ANXA13: variants seen among roughly 807,000 people sequenced by gnomAD.
ANXA13 encodes the protein annexin XIII.
ANXA13 carries 36 observed loss-of-function variants against 46.6 expected under a neutral mutation model. The ratio of observed to expected loss-of-function variants is 0.77; its 90% CI spans 0.59 to 1.02. ANXA13 has a LOEUF of 1.02. Among genes scored for constraint, ANXA13 ranks in the 50% least tolerant of loss-of-function variants. ANXA13 has a pLI of 0.00. For synonymous variants in ANXA13, 163 were observed against 152.9 expected (o/e 1.07, Z -0.49); for missense variants, 417 against 396.5 (o/e 1.05, Z -0.44).
At chr8:123,717,880 G>A (rs1267116686) in intron 1 of ANXA13, among the ~76,000 whole-genome samples, 4 of 152,264 alleles carry the variant, frequency 2.6e-5, no homozygotes, top group African/African-American at 7.2e-5. Context: ...CCACTCAGAT[G>A]CGCTCGTGCT....
chr8:123,693,711 A>C lies in ANXA13; in HGVS notation c.540T>G (p.Asp180Glu), dbSNP rs550213175. The C allele has an allele frequency of 6.2e-7, 1 of 1,613,144 alleles. No individual in the cohort carries two copies. The highest frequency in any genetic ancestry group is 8.5e-7 in the Non-Finnish European group (1 of 1,179,254). The part of the protein sequence containing the change: ...LAGQDAKDLY[D>E]AGEGRWGTDE... ...GAGACTGGCATGTCTGCACACATAC[A>C]TCATACAGATCTTTGGCATCCTGAC... is the stretch of plus-strand genomic sequence containing the variant. Residue 180 changes from aspartate to glutamate, a missense_variant and splice_region_variant, in exon 7 of 11, where the codon GAT becomes GAG. Coordinates refer to ENST00000419625, the MANE Select transcript of ANXA13 (RefSeq NM_004306.4).
At chr8:123,710,796 A>G (rs1418425464) in intron 2 of ANXA13, among the ~76,000 whole-genome samples, 3 of 151,852 alleles carry the variant, frequency 2.0e-5, no homozygotes, top group Non-Finnish European at 4.4e-5. Context: ...GGATTTTTGT[A>G]AGAACTTGAT....
In ANXA13 at chr8:123,712,721, C is replaced by A; in HGVS notation, c.48G>T (p.Val16=). ...TGTTCAGCTTTTTGGCATCTCGATC[C>A]ACATCAAAACCCTGAGGACTGCTCG... is the stretch of plus-strand genomic sequence containing the variant. The part of the protein sequence containing the change: ...AKASSPQGFD[V]DRDAKKLNKA... The change falls in exon 2 of 11, where the codon GTG becomes GTT. Residue 16 remains valine, a synonymous_variant. Coordinates refer to ENST00000419625, the MANE Select transcript of ANXA13 (RefSeq NM_004306.4). The A allele has an allele frequency of 6.2e-7, 1 of 1,614,206 alleles. No homozygotes were observed. The highest frequency in any genetic ancestry group is 8.5e-7 in the Non-Finnish European group (1 of 1,180,046).
intron 1 of ANXA13, among the ~76,000 whole-genome samples, chr8:123,718,396 G>A (rs545973980): frequency 7.4e-4 from 112 of 152,294 alleles, no homozygotes; most frequent in Middle Eastern, 3.4e-3. Context: ...GTCACACTGC[G>A]GAGTCCAGGT....
intron 1 of ANXA13, among the ~76,000 whole-genome samples, chr8:123,718,823 C>T (rs925408613): frequency 1.3e-5 from 2 of 152,200 alleles, no homozygotes; most frequent in East Asian, 1.9e-4. Flanking sequence ...AAAACACCTA[C>T]GTTGAGAAAT....
intron 1 of ANXA13, among the ~76,000 whole-genome samples, chr8:123,722,598 T>C (rs1323424615): frequency 6.6e-6 from 1 of 152,192 alleles, no homozygotes; most frequent in Non-Finnish European, 1.5e-5. Flanking sequence ...CATCTCCCAG[T>C]GAGCAAAGTG....
In ANXA13 at chr8:123,712,783, A is replaced by T. The variant is rs765745163; in HGVS notation, c.16-30T>A. On this transcript the variant is annotated intron_variant, in intron 1 of 10. Coordinates refer to ENST00000419625, the MANE Select transcript of ANXA13 (RefSeq NM_004306.4). ...AGAAAATAATTGAAAAGGTGAGATG[A>T]CAATATACGCATTCCTAAATGATCT... 5.0e-6 allele frequency: 8 copies of T among 1,593,736 alleles called. No homozygotes were observed. The South Asian group carries it at 8.8e-5, about 18-fold the overall frequency.
intron 10 of ANXA13, among the ~76,000 whole-genome samples, chr8:123,681,960 T>C (rs1487177288): frequency 6.6e-6 from 1 of 152,196 alleles, no homozygotes; most frequent in Non-Finnish European, 1.5e-5. Flanking sequence ...TTTTACATGT[T>C]ACAAAGTATT....
chr8:123,684,312 A>G (rs1813096024), intron 10 of ANXA13, among the ~76,000 whole-genome samples: 1 of 152,174 alleles, frequency 6.6e-6, no homozygotes, highest in South Asian at 2.1e-4. Flanking sequence ...CTTAACATGG[A>G]GCCATGCATA....
chr8:123,698,835 C>T (rs1813393041), intron 3 of ANXA13, among the ~76,000 whole-genome samples: 3 of 152,208 alleles, frequency 2.0e-5, no homozygotes, highest in Admixed American at 2.0e-4. Context: ...CATTTGAGAG[C>T]TCAGAGAGCT....
chr8:123,709,515 C>T (rs1586327570), intron 2 of ANXA13, among the ~76,000 whole-genome samples: 1 of 152,044 alleles, frequency 6.6e-6, no homozygotes, highest in African/African-American at 2.4e-5. Flanking sequence ...CGCATTGATG[C>T]CTGAGGTTGC....
At chr8:123,716,453 C>T (rs1483691260) in intron 1 of ANXA13, among the ~76,000 whole-genome samples, 1 of 152,158 alleles carries the variant, frequency 6.6e-6, no homozygotes, top group African/African-American at 2.4e-5. Flanking sequence ...AGTGGCCTGA[C>T]TCCCTGTAGG....
rs573630860 is a variant in ANXA13 at position 123,695,843 on chromosome 8, G to A, written c.358-122C>T. The A allele has an allele frequency of 4.4e-5, 37 of 843,668 alleles. No individual in the cohort carries two copies. The African/African-American group carries it at 5.8e-4, about 13-fold the overall frequency. The allele number at this position is 843,668 out of a possible 1,614,324, so 52.3% of individuals were successfully genotyped here. A position where few individuals can be genotyped will look rare whatever the true frequency, so the allele number is the denominator to read the frequency against. On this transcript the variant is annotated intron_variant, in intron 4 of 10. Transcript: ENST00000419625. ...AAGTGCCTTCAAGACTTCCTCTTAA[G>A]ATGGTCATCCCTATAGGTCCAGGGC...
At position 123,689,347 on chromosome 8, in the gene ANXA13, C is replaced by A. The variant is rs186455437; in HGVS notation, c.643-401G>T. ...AGTTTAGTTCCCATGTGTTCTTCAC[C>A]CTTTCCAGTTTCAATTTCCCAGGAG... is the stretch of plus-strand genomic sequence containing the variant. On this transcript the variant is annotated intron_variant, in intron 8 of 10. Transcript: ENST00000419625. 3.8e-3 allele frequency among the ~76,000 whole-genome samples: 562 copies of A among 149,688 alleles called. 1 individual carries two copies. Among genetic ancestry groups the A allele is most frequent in the Non-Finnish European group, 6.6e-3 (447 of 67,552 alleles).
At chr8:123,710,525 A>C (rs1489456202) in intron 2 of ANXA13, among the ~76,000 whole-genome samples, 1 of 152,252 alleles carries the variant, frequency 6.6e-6, no homozygotes, top group Non-Finnish European at 1.5e-5. Context: ...GCAAAAAATT[A>C]GTTTAATAAA....
intron 3 of ANXA13, 81 bp from the exon 4 acceptor site, chr8:123,698,640 T>A (rs2129859007): frequency 6.9e-7 from 1 of 1,443,336 alleles, no homozygotes; most frequent in South Asian, 1.2e-5. Flanking sequence ...TTGCAAGTGC[T>A]CATAGTTGAC....
chr8:123,735,729 A>G, intron 1 of ANXA13: 1 of 1,601,032 alleles, frequency 6.2e-7, no homozygotes, highest in African/African-American at 1.3e-5. Context: ...CATACCTATG[A>G]TTTGGGGGGA....
chr8:123,698,614 G>A lies in ANXA13; in HGVS notation c.187-55C>T, dbSNP rs559407012. 271 of 1,575,474 alleles carry A rather than the reference G, an allele frequency of 1.7e-4. 4 individuals are homozygous for A. In the East Asian group the frequency reaches 6.0e-3, roughly 35 times the overall value. On this transcript the variant is annotated intron_variant, in intron 3 of 10. Transcript: ENST00000419625. ...GAATGGCCCAGGAGGAGAGGGGCAG[G>A]TGTCTGCTTGCACTATTGCAAGTGC...
intron 1 of ANXA13, among the ~76,000 whole-genome samples, chr8:123,729,775 T>C (rs1211375813): frequency 2.6e-5 from 4 of 152,210 alleles, no homozygotes; most frequent in Admixed American, 2.6e-4. Flanking sequence ...GACAATTAAA[T>C]GTCTTTGTTA....
Sources: gnomAD v4.1 joint callset for allele counts (sites outside exome capture counted in the v4.1 genomes callset) on GRCh38, gnomAD v4.1.1 for gene constraint, MANE v1.5 for transcripts, NCBI Gene and HGNC (gene_info 2026-07-23, HGNC 2026-07-21) for gene names.